Variants in POLE observed in about 807,000 individuals in gnomAD.
The protein encoded by POLE is DNA polymerase epsilon catalytic subunit A.
Under a neutral mutation model 279.2 loss-of-function variants are expected in POLE, and 188 were observed. That is an observed-to-expected ratio of 0.67 (90% CI 0.60 to 0.76). POLE has a LOEUF of 0.76. POLE is among the 30% of genes least tolerant of loss of function. The probability of loss-of-function intolerance (pLI) is 0.00; values close to 1 mark genes in which losing one functional copy is unlikely to be tolerated. For missense variants in POLE, 2,703 were observed against 3,016.7 expected (o/e 0.90, Z 2.44); for synonymous variants, 1,214 against 1,172.5 (o/e 1.04, Z -0.72).
At chr12:132,677,802 G>A (rs2043090667) in intron 6 of POLE, 83 bp from the exon 7 acceptor site, 1 of 1,334,820 alleles carries the variant, frequency 7.5e-7, no homozygotes, top group Non-Finnish European at 1.1e-6. Context: ...GTAGGAAGAG[G>A]TGAGACCAGA....
chr12:132,632,333 G>T lies in POLE; in HGVS notation c.6312C>A (p.Phe2104Leu), dbSNP rs1555220869. 1 of 1,614,052 alleles carries T rather than the reference G, an allele frequency of 6.2e-7. No homozygotes were observed. The highest frequency in any genetic ancestry group is 1.1e-5 in the South Asian group (1 of 91,068). ...HLLLNNPALE[F>L]IKYVCKVLSL... ...CTCTCACCTTGCACACGTATTTGAT[G>T]AACTCCAGGGCAGGGTTATTGAGCA... Residue 2104 changes from phenylalanine to leucine, a missense_variant, in exon 45 of 49, where the codon TTC becomes TTA. Phe to Leu is a conservative substitution (Grantham distance 22). Transcript: ENST00000320574.
chr12:132,626,469 C>T (rs2041841991), intron 45 of POLE, 152 bp from the exon 46 acceptor site: 2 of 665,550 alleles, frequency 3.0e-6, no homozygotes, highest in Non-Finnish European at 5.1e-6. Context: ...GACTTCTCTA[C>T]ATTAGCAGTT....
chr12:132,673,856 A>T (rs5744774), intron 12 of POLE, 149 bp from the exon 13 acceptor site: 2 of 793,386 alleles, frequency 2.5e-6, no homozygotes, highest in Non-Finnish European at 4.2e-6. Flanking sequence ...CATGGTGTAG[A>T]CACCTTGTGA....
At chr12:132,674,129 G>A (rs2042991487) in intron 12 of POLE, among the ~76,000 whole-genome samples, 2 of 151,458 alleles carry the variant, frequency 1.3e-5, no homozygotes, top group African/African-American at 4.9e-5. Context: ...TTTAATAGAA[G>A]GCAAGATGTG....
rs2043147153 is a variant in POLE at position 132,680,655 on chromosome 12, G to T, written c.237C>A (p.Gly79=). The change falls in exon 3 of 49, where the codon GGC becomes GGA. Residue 79 remains glycine (G), a synonymous_variant. Transcript: ENST00000320574. Reference sequence around the variant, plus strand: ...GAATAAAGTAGTAATCCACTGCACTGCCTAAGCGCTTATCTTCATCTAAAA... The same window carrying T: ...GAATAAAGTAGTAATCCACTGCACTTCCTAAGCGCTTATCTTCATCTAAAA... ...TEILDEDKRL[G]SAVDYYFIQD... 2.0e-5 allele frequency: 32 copies of T among 1,613,882 alleles called. No individual in the cohort carries two copies. The highest frequency in any genetic ancestry group is 2.6e-5 in the Non-Finnish European group (31 of 1,179,778).
intron 39 of POLE, chr12:132,640,984 C>T: frequency 2.2e-6 from 1 of 456,744 alleles, no homozygotes; most frequent in South Asian, 1.5e-5. Context: ...AGTACAGGCT[C>T]TGGAATTACA....
At chr12:132,671,944 TA>T (rs2042937325) in intron 16 of POLE, among the ~76,000 whole-genome samples, 1 of 152,130 alleles carries the variant, frequency 6.6e-6, no homozygotes, top group East Asian at 1.9e-4. Context: ...CCTAATGCTT[TA>T]AAACAGGACA....
intron 29 of POLE, among the ~76,000 whole-genome samples, chr12:132,652,821 TG>T (rs573202616): frequency 2.5e-4 from 38 of 152,210 alleles, no homozygotes; most frequent in Non-Finnish European, 5.0e-4. Flanking sequence ...GCCATGATAG[TG>T]TGTCTCGTTA....
chr12:132,650,152 CGAACTATGATCACACCACT>C, intron 29 of POLE: 1 of 470,666 alleles, frequency 2.1e-6, no homozygotes, highest in Non-Finnish European at 3.9e-6. Flanking sequence ...GAGGCTGCGG[CGAACTATGATCACACCACT>C]GAACTCCAGC....
chr12:132,635,003 GCGTC>G (rs1271796286), intron 42 of POLE, among the ~76,000 whole-genome samples: 1 of 152,176 alleles, frequency 6.6e-6, no homozygotes, highest in East Asian at 1.9e-4. Flanking sequence ...GCTCCCAGAA[GCGTC>G]TGCGTCCTTA....
intron 32 of POLE, among the ~76,000 whole-genome samples, chr12:132,644,348 T>G (rs141994648): frequency 1.5e-5 from 2 of 137,696 alleles, no homozygotes; most frequent in African/African-American, 2.8e-5. Context: ...TTTTTTTTTG[T>G]AGAAAGGAGG....
At position 132,687,282 on chromosome 12, in the gene POLE, C is replaced by T. The variant is rs1355767159; in HGVS notation, c.34G>A (p.Asp12Asn). The T allele has an allele frequency of 6.7e-6, 10 of 1,503,572 alleles. No homozygotes were observed. The African/African-American group carries it at 1.1e-4, about 17-fold the overall frequency. The allele number at this position is 1,503,572 out of a possible 1,614,324, so 93.1% of individuals were successfully genotyped here. A position where few individuals can be genotyped will look rare whatever the true frequency, so the allele number is the denominator to read the frequency against. The change falls in exon 1 of 49, where the codon GAC becomes AAC. Residue 12 changes from aspartate (D) to asparagine (N), a missense_variant. Asp to Asn is a conservative substitution (Grantham distance 23). This residue lies in a region of POLE where 1,011 missense variants were observed against 1,111.7 expected (regional missense o/e 0.91). Transcript: ENST00000320574. ...CTGGCCTCGCCATCCGCGCCTGGGT[C>T]CGCGCGCCGCCGCCCGCCGCTCCTC... The part of the protein sequence containing the change: ...SLRSGGRRRA[D>N]PGADGEASRD...
rs75608590 is a variant in POLE at position 132,659,161 on chromosome 12, C to T, written c.3275+134G>A. The T allele has an allele frequency of 6.7e-4, 597 of 892,932 alleles. 1 individual carries two copies. The African/African-American group carries it at 8.6e-3, about 13-fold the overall frequency. 55.3% of individuals were successfully genotyped at this position (892,932 alleles called of 1,614,324 possible). On this transcript the variant is annotated intron_variant, in intron 26 of 48. Transcript: ENST00000320574. ...CACAGCCCAAATCTGTAAGGAACCC[C>T]TTACCTCTCCGTGACAGGGCAGCCC...
rs2042678643 is a variant in POLE at position 132,661,438 on chromosome 12, T to G, written c.2864+89A>C. On this transcript the variant is annotated intron_variant, in intron 24 of 48. Coordinates refer to ENST00000320574, the MANE Select transcript of POLE (RefSeq NM_006231.4). The surrounding 1 kb of genome is among the most constrained non-coding windows in gnomAD (Gnocchi z 4.1). ...CAAGAACCCAGGTCTGTTTCTATCCTGGCTCCTGATCCAACCTCCTTTCTG... is the reference window on the plus strand; with the variant it reads ...CAAGAACCCAGGTCTGTTTCTATCCGGGCTCCTGATCCAACCTCCTTTCTG... The G allele has an allele frequency of 2.1e-6, 3 of 1,412,556 alleles. No individual in the cohort carries two copies. The highest frequency in any genetic ancestry group is 1.9e-5 in the Admixed American group (1 of 51,930). 87.5% of individuals were successfully genotyped at this position (1,412,556 alleles called of 1,614,324 possible).
chr12:132,652,211 G>A (rs1003482782), intron 29 of POLE, among the ~76,000 whole-genome samples: 1 of 151,030 alleles, frequency 6.6e-6, no homozygotes, highest in African/African-American at 2.4e-5. Flanking sequence ...TTAATTAATT[G>A]ATCATTCTTT....
intron 1 of POLE, among the ~76,000 whole-genome samples, chr12:132,683,050 A>G (rs544834591): frequency 6.6e-6 from 1 of 152,298 alleles, no homozygotes; most frequent in East Asian, 1.9e-4. Flanking sequence ...ACTCAAGAGC[A>G]GAATGACCAT....
intron 8 of POLE, 86 bp from the exon 9 acceptor site, chr12:132,676,739 C>T (rs1163635412): frequency 7.5e-6 from 6 of 802,044 alleles, no homozygotes; most frequent in Non-Finnish European, 4.3e-6. Flanking sequence ...GCTCTACCTC[C>T]CTCTGGTTGT....
intron 45 of POLE, among the ~76,000 whole-genome samples, chr12:132,628,425 C>G (rs941518579): frequency 3.3e-5 from 5 of 152,036 alleles, no homozygotes; most frequent in Admixed American, 2.6e-4. Context: ...GGTGGATCAC[C>G]TGAGGTCAGG....
In POLE at chr12:132,639,135, GCTT is replaced by G. The variant is rs1060500844; in HGVS notation, c.5539_5541del (p.Lys1847del). 6.2e-7 allele frequency: 1 copy of G among 1,614,094 alleles called. No homozygotes were observed. Among genetic ancestry groups the G allele is most frequent in the Non-Finnish European group, 8.5e-7 (1 of 1,179,948 alleles). The stretch of plus-strand genomic sequence containing the variant: ...AGGAGGAGCACTCACTGCAGGAAGA[GCTT>G]CTTCATCATGTTGTGGAGTGTGCGG... On this transcript the variant is annotated inframe_deletion, in exon 40 of 49. Coordinates refer to ENST00000320574, the MANE Select transcript of POLE (RefSeq NM_006231.4). This position sits in a 1 kb window ranked among gnomAD's most constrained non-coding sequence, Gnocchi z 4.7.
Sources: gnomAD v4.1 joint callset for allele counts (sites outside exome capture counted in the v4.1 genomes callset) on GRCh38, gnomAD v4.1.1 for gene constraint, gnomAD v4.1.1 regional missense constraint, Gnocchi (gnomAD v3.1) non-coding constraint, MANE v1.5 for transcripts, NCBI Gene and HGNC (gene_info 2026-07-23, HGNC 2026-07-21) for gene names.